Variants in CADPS observed in about 807,000 individuals in gnomAD.
CADPS encodes the protein calcium dependent secretion activator.
CADPS carries 57 observed loss-of-function variants against 167.3 expected under a neutral mutation model. The observed-to-expected ratio is 0.34, with a 90% CI of 0.28 to 0.42. The LOEUF (loss-of-function observed/expected upper bound fraction) is 0.42, where lower values mean the gene tolerates loss of function less well. CADPS is among the 20% of genes least tolerant of loss of function. The probability of loss-of-function intolerance (pLI) is 1.00; values close to 1 mark genes in which losing one functional copy is unlikely to be tolerated. For synonymous variants in CADPS, 676 were observed against 635.3 expected (o/e 1.06, Z -0.96); for missense variants, 1,414 against 1,738.1 (o/e 0.81, Z 3.32).
intron 2 of CADPS, among the ~76,000 whole-genome samples, chr3:62,763,408 G>A (rs140030378): frequency 3.3e-5 from 5 of 152,324 alleles, no homozygotes; most frequent in East Asian, 1.9e-4. Context: ...TACCCATCCC[G>A]CTGGTAACTT....
intron 3 of CADPS, among the ~76,000 whole-genome samples, chr3:62,685,130 C>G (rs2077773682): frequency 6.6e-6 from 1 of 152,062 alleles, no homozygotes; most frequent in South Asian, 2.1e-4. Flanking sequence ...TCACAACACA[C>G]CTACTTTGCT....
intron 28 of CADPS, among the ~76,000 whole-genome samples, chr3:62,413,385 G>C (rs541318904): frequency 6.6e-6 from 1 of 152,186 alleles, no homozygotes; most frequent in South Asian, 2.1e-4. Flanking sequence ...GTGTCCATCA[G>C]AGGATGAGTG....
At position 62,398,696 on chromosome 3, in the gene CADPS, A is replaced by C. The variant is rs1185251629; in HGVS notation, c.*710T>G. 1 of 152,480 alleles carries C rather than the reference A, an allele frequency of 6.6e-6. No individual in the cohort carries two copies. The highest frequency in any genetic ancestry group is 1.5e-5 in the Non-Finnish European group (1 of 68,032). 9.4% of individuals were successfully genotyped at this position (152,480 alleles called of 1,614,324 possible). On this transcript the variant is annotated 3_prime_UTR_variant, in exon 30 of 30. Transcript: ENST00000383710. ...GCAAAATAACATTTAAGAGGAGAAA[A>C]CTTTGACAGAAGACAGTAGTTTTGA... is the stretch of plus-strand genomic sequence containing the variant.
At chr3:62,477,559 A>G (rs1407445155) in intron 23 of CADPS, among the ~76,000 whole-genome samples, 2 of 152,178 alleles carry the variant, frequency 1.3e-5, no homozygotes, top group African/African-American at 4.8e-5. Context: ...TGTTTGCTGA[A>G]TGGATGAATG....
intron 18 of CADPS, among the ~76,000 whole-genome samples, chr3:62,496,214 T>C (rs1238275115): frequency 1.3e-5 from 2 of 152,240 alleles, no homozygotes; most frequent in Admixed American, 1.3e-4. Flanking sequence ...CCTCTTCCAC[T>C]GTACTCCAGC....
intron 1 of CADPS, among the ~76,000 whole-genome samples, chr3:62,783,474 G>A (rs372582683): frequency 7.2e-5 from 11 of 152,078 alleles, no homozygotes; most frequent in South Asian, 4.2e-4. Context: ...ATGTGTTAGC[G>A]GTCCTGGGAA....
Position 62,492,500 on chromosome 3 carries a change from G to A in CADPS, c.2728-54C>T, listed in dbSNP as rs139978026. On this transcript the variant is annotated intron_variant, in intron 19 of 29. Coordinates refer to ENST00000383710, the MANE Select transcript of CADPS (RefSeq NM_003716.4). ...CAAAGAAGTGATGAGCTTCTTTCTC[G>A]GACATAAGACGTGAATTCCAGCCCT... 1,312 of 1,547,038 alleles carry A rather than the reference G, an allele frequency of 8.5e-4. 8 individuals carry two copies. The African/African-American group carries it at 0.014, about 16-fold the overall frequency.
intron 3 of CADPS, among the ~76,000 whole-genome samples, chr3:62,682,604 A>C (rs1377998247): frequency 6.6e-6 from 1 of 152,104 alleles, no homozygotes; most frequent in Non-Finnish European, 1.5e-5. Flanking sequence ...CTAGTTTAAC[A>C]TTGCAAAATC....
In CADPS at chr3:62,474,170, T is replaced by TTTTTTTTTTTTTTTAC; in HGVS notation, c.3477+2_3477+3insGTAAAAAAAAAAAAAA. On this transcript the variant is annotated splice_region_variant and intron_variant, in intron 24 of 29. Transcript: ENST00000383710. ...AAATCTGTATTTTTTTTTTTTTTTT[T>TTTTTTTTTTTTTTTAC]ACCTCTTGGCCCATTTCCATGCTGC... The TTTTTTTTTTTTTTTAC allele has an allele frequency of 4.1e-6, 6 of 1,475,370 alleles. No homozygotes were observed. The highest frequency in any genetic ancestry group is 5.4e-6 in the Non-Finnish European group (6 of 1,105,862). The allele number at this position is 1,475,370 out of a possible 1,614,324, so 91.4% of individuals were successfully genotyped here. A position where few individuals can be genotyped will look rare whatever the true frequency, so the allele number is the denominator to read the frequency against.
At chr3:62,476,004 C>T (rs770005506) in intron 23 of CADPS, among the ~76,000 whole-genome samples, 12 of 152,100 alleles carry the variant, frequency 7.9e-5, no homozygotes, top group Non-Finnish European at 1.5e-4. Flanking sequence ...TCTGTAGGAC[C>T]AAAACGCCAG....
chr3:62,779,526 G>A, intron 1 of CADPS: 1 of 536,690 alleles, frequency 1.9e-6, no homozygotes, highest in Non-Finnish European at 3.8e-6. Flanking sequence ...GGCCCATCAT[G>A]TGGCTGCCCA....
At chr3:62,503,856 A>C (rs1287542281) in intron 17 of CADPS, among the ~76,000 whole-genome samples, 1 of 152,164 alleles carries the variant, frequency 6.6e-6, no homozygotes, top group Non-Finnish European at 1.5e-5. Flanking sequence ...CAGCTTCTGC[A>C]ATTCTCTCTC....
At chr3:62,648,780 C>G (rs1464925206) in intron 5 of CADPS, among the ~76,000 whole-genome samples, 1 of 150,364 alleles carries the variant, frequency 6.7e-6, no homozygotes, top group African/African-American at 2.4e-5. Context: ...TGTAGGAAGA[C>G]AAGAGGCAGT....
chr3:62,807,273 T>A (rs1166134779), intron 1 of CADPS, among the ~76,000 whole-genome samples: 1 of 151,860 alleles, frequency 6.6e-6, no homozygotes, highest in East Asian at 1.9e-4. Context: ...CTTTTTTTTT[T>A]TTTTTGAGAC....
intron 11 of CADPS, among the ~76,000 whole-genome samples, chr3:62,540,646 T>C (rs1466155434): frequency 1.3e-5 from 2 of 152,200 alleles, no homozygotes; most frequent in African/African-American, 4.8e-5. Context: ...TCTCCATACA[T>C]GTCTAGGACC....
At chr3:62,860,129 T>C (rs2080497256) in intron 1 of CADPS, among the ~76,000 whole-genome samples, 3 of 152,232 alleles carry the variant, frequency 2.0e-5, no homozygotes, top group African/African-American at 7.2e-5. Flanking sequence ...TTGCTTGGCT[T>C]CTGTCTTTGC....
At chr3:62,400,668 C>G (rs190700482) in intron 29 of CADPS, among the ~76,000 whole-genome samples, 1 of 146,120 alleles carries the variant, frequency 6.8e-6, no homozygotes, top group East Asian at 2.0e-4. Flanking sequence ...AGATCGATCT[C>G]GGCTCACTGC....
At chr3:62,804,093 C>T (rs368102632) in intron 1 of CADPS, among the ~76,000 whole-genome samples, 1 of 152,236 alleles carries the variant, frequency 6.6e-6, no homozygotes, top group South Asian at 2.1e-4. Context: ...GCCCTGGTCA[C>T]AATCAGGACG....
chr3:62,440,215 T>A (rs565860173), intron 27 of CADPS: 4 of 152,168 alleles, frequency 2.6e-5, no homozygotes, highest in African/African-American at 9.6e-5. Context: ...AATGAGCAAA[T>A]CCTTTCTCCA....
Sources: allele counts gnomAD v4.1 joint callset (sites outside exome capture counted in the v4.1 genomes callset), GRCh38; gene constraint gnomAD v4.1.1; transcripts MANE v1.5; gene names NCBI Gene and HGNC (gene_info 2026-07-23, HGNC 2026-07-21).